TXN2: variants seen among roughly 807,000 people sequenced by gnomAD.
TXN2 encodes thioredoxin, mitochondrial.
In TXN2, 12 loss-of-function variants were observed where a neutral mutation model predicts 14.6. The observed-to-expected ratio is 0.82, with a 90% CI of 0.53 to 1.33. TXN2 has a LOEUF of 1.33. Ranked by LOEUF, TXN2 falls within the 40% of genes most tolerant of loss-of-function variation. The probability of loss-of-function intolerance (pLI) is 0.00; values close to 1 mark genes in which losing one functional copy is unlikely to be tolerated. For missense variants in TXN2, 173 were observed against 207.7 expected (o/e 0.83, Z 1.03); for synonymous variants, 89 against 81.0 (o/e 1.10, Z -0.53).
chr22:36,479,283 A>G (rs1364360352), intron 2 of TXN2, among the ~76,000 whole-genome samples: 1 of 152,050 alleles, frequency 6.6e-6, no homozygotes, highest in Non-Finnish European at 1.5e-5. Flanking sequence ...CTGGAAAGCC[A>G]GCGAAACAAT....
intron 3 of TXN2, among the ~76,000 whole-genome samples, chr22:36,472,904 C>A (rs58513164): frequency 3.0e-5 from 4 of 131,156 alleles, no homozygotes; most frequent in Non-Finnish European, 4.7e-5. Flanking sequence ...GAAAGTCAAT[C>A]TGGGGCCTTC....
intron 2 of TXN2, among the ~76,000 whole-genome samples, chr22:36,477,231 G>C (rs1037712460): frequency 1.3e-5 from 2 of 151,902 alleles, no homozygotes; most frequent in African/African-American, 4.8e-5. Flanking sequence ...TTTTTGAGAC[G>C]GAGTCTCGCT....
intron 3 of TXN2, among the ~76,000 whole-genome samples, chr22:36,472,487 A>G (rs954713869): frequency 1.3e-5 from 2 of 152,224 alleles, no homozygotes; most frequent in Non-Finnish European, 2.9e-5. Flanking sequence ...CAAATGGACC[A>G]CCCTGGTATG....
Position 36,480,439 on chromosome 22 carries a change from C to G in TXN2, c.263+136G>C, listed in dbSNP as rs532309777. 2.8e-6 allele frequency: 3 copies of G among 1,082,802 alleles called. No individual in the cohort carries two copies. The African/African-American group carries it at 4.7e-5, about 17-fold the overall frequency. 67.1% of individuals were successfully genotyped at this position (1,082,802 alleles called of 1,614,324 possible). Reference sequence around the variant, plus strand: ...CACCAGACTGCATTCCCCTTGAGGGCAGGGACTGGGCCTGACCAGTCTGTA... The same window carrying G: ...CACCAGACTGCATTCCCCTTGAGGGGAGGGACTGGGCCTGACCAGTCTGTA... On this transcript the variant is annotated intron_variant, in intron 2 of 3. Transcript: ENST00000216185.
chr22:36,477,435 C>G (rs1462574261), intron 2 of TXN2, among the ~76,000 whole-genome samples: 1 of 152,188 alleles, frequency 6.6e-6, no homozygotes, highest in Non-Finnish European at 1.5e-5. Context: ...GTCTCGATCT[C>G]CTGACCTCGT....
At chr22:36,476,434 T>C (rs1478116899) in intron 3 of TXN2, among the ~76,000 whole-genome samples, 2 of 151,846 alleles carry the variant, frequency 1.3e-5, no homozygotes, top group Non-Finnish European at 2.9e-5. Flanking sequence ...CTACTAAAAA[T>C]ACAAAAAATT....
At chr22:36,470,030 C>T (rs1043340561) in intron 3 of TXN2, among the ~76,000 whole-genome samples, 1 of 152,154 alleles carries the variant, frequency 6.6e-6, no homozygotes. Context: ...AATTAAACTA[C>T]AAAGTAAGAG....
chr22:36,479,134 T>C (rs1933446419), intron 2 of TXN2, among the ~76,000 whole-genome samples: 1 of 151,830 alleles, frequency 6.6e-6, no homozygotes, highest in Non-Finnish European at 1.5e-5. Flanking sequence ...ACCTTGTCTC[T>C]AAAAGAAGAA....
chr22:36,470,970 C>T (rs1933260700), intron 3 of TXN2, among the ~76,000 whole-genome samples: 1 of 148,112 alleles, frequency 6.8e-6, no homozygotes, highest in Admixed American at 6.6e-5. Flanking sequence ...CACGCATACA[C>T]ACATATATAC....
At chr22:36,480,489 T>G (rs983616730) in intron 2 of TXN2, 86 bp downstream of exon 2, 18 of 1,538,534 alleles carry the variant, frequency 1.2e-5, no homozygotes, top group Non-Finnish European at 1.5e-5. Flanking sequence ...ATGAGCAGCA[T>G]AGAACATGGC....
At chr22:36,468,788 T>C in intron 3 of TXN2, 4 of 348,170 alleles carry the variant, frequency 1.1e-5, no homozygotes, top group Non-Finnish European at 2.3e-5. Flanking sequence ...ACACCTGTAA[T>C]CCCAGCATTT....
At chr22:36,479,125 C>T (rs902939798) in intron 2 of TXN2, among the ~76,000 whole-genome samples, 3 of 152,028 alleles carry the variant, frequency 2.0e-5, no homozygotes, top group African/African-American at 7.2e-5. Flanking sequence ...CAGAGTGAGA[C>T]CTTGTCTCTA....
intron 3 of TXN2, among the ~76,000 whole-genome samples, chr22:36,471,657 T>TG (rs1162816114): frequency 2.6e-5 from 4 of 152,072 alleles, no homozygotes; most frequent in African/African-American, 9.7e-5. Context: ...GCTCAAAGGG[T>TG]GAGCAACTGT....
At chr22:36,473,281 A>G (rs1208866765) in intron 3 of TXN2, among the ~76,000 whole-genome samples, 1 of 151,898 alleles carries the variant, frequency 6.6e-6, no homozygotes, top group South Asian at 2.1e-4. Flanking sequence ...TGTCTCTATT[A>G]AAACTACAAA....
Position 36,470,958 on chromosome 22 carries a change from C to T in TXN2, c.388-3041G>A, listed in dbSNP as rs1047547004. Among the ~76,000 whole-genome samples the T allele has an allele frequency of 7.9e-5, 12 of 151,592 alleles. No individual in the cohort carries two copies. In the South Asian group the frequency reaches 1.2e-3, roughly 16 times the overall value. ...TATTTTGAAGTTGAGCTTAAACACA[C>T]ACACGCATACACACATATATACACA... On this transcript the variant is annotated intron_variant, in intron 3 of 3. Coordinates refer to ENST00000216185, the MANE Select transcript of TXN2 (RefSeq NM_012473.4).
chr22:36,471,050 G>C lies in TXN2; in HGVS notation c.388-3133C>G, dbSNP rs979071201. On this transcript the variant is annotated intron_variant, in intron 3 of 3. Transcript: ENST00000216185. ...CCTGAGCTGGAATGGGACTTCCCTC[G>C]ACCCTGAGGAGGCGGCTGAAGCTCT... Among the ~76,000 whole-genome samples, 3 of 152,112 alleles carry C rather than the reference G, an allele frequency of 2.0e-5. No individual in the cohort carries two copies. In the East Asian group the frequency reaches 5.8e-4, roughly 29 times the overall value.
intron 3 of TXN2, among the ~76,000 whole-genome samples, chr22:36,475,016 C>T (rs1274956416): frequency 6.6e-6 from 1 of 152,232 alleles, no homozygotes; most frequent in Non-Finnish European, 1.5e-5. Flanking sequence ...CCACATGCTT[C>T]AGTCACTCCC....
At chr22:36,468,847 G>A (rs771968304) in intron 3 of TXN2, 39 of 289,870 alleles carry the variant, frequency 1.3e-4, no homozygotes, top group Admixed American at 3.4e-4. Flanking sequence ...TTCGAGACCA[G>A]CCTGGCCAAC....
intron 3 of TXN2, among the ~76,000 whole-genome samples, chr22:36,468,126 C>A (rs779322231): frequency 6.6e-6 from 1 of 152,206 alleles, no homozygotes; most frequent in Non-Finnish European, 1.5e-5. Flanking sequence ...TCTTCCATTG[C>A]GGGCTCCCAA....
Sources: allele counts gnomAD v4.1 joint callset (sites outside exome capture counted in the v4.1 genomes callset), GRCh38; gene constraint gnomAD v4.1.1; transcripts MANE v1.5; gene names NCBI Gene and HGNC (gene_info 2026-07-23, HGNC 2026-07-21).